The following FILIP1 variants were observed in gnomAD, a reference collection of about 807,000 sequenced individuals.
FILIP1 encodes the protein filamin A interacting protein 1.
FILIP1 carries 61 observed loss-of-function variants against 102.1 expected under a neutral mutation model. That is an observed-to-expected ratio of 0.60 (90% CI 0.49 to 0.74). The LOEUF (loss-of-function observed/expected upper bound fraction) is 0.74. Ranked by LOEUF, FILIP1 falls within the 30% of genes least tolerant of loss-of-function variation. The pLI is 0.00. For synonymous variants in FILIP1, 491 were observed against 526.9 expected (o/e 0.93, Z 0.93); for missense variants, 1,314 against 1,441.2 (o/e 0.91, Z 1.43).
At chr6:75,327,596 A>C (rs202029086) in intron 4 of FILIP1, among the ~76,000 whole-genome samples, 2 of 148,592 alleles carry the variant, frequency 1.3e-5, no homozygotes, top group East Asian at 2.0e-4. Context: ...ATAAAATAAA[A>C]AGGTCAATGC....
chr6:75,413,622 AACAGC>A (rs1445191702), intron 2 of FILIP1, among the ~76,000 whole-genome samples: 1 of 152,106 alleles, frequency 6.6e-6, no homozygotes. Context: ...CACTAAAGCT[AACAGC>A]ACCCATAAGC....
At chr6:75,321,302 A>T (rs1443044657) in intron 4 of FILIP1, among the ~76,000 whole-genome samples, 1 of 152,204 alleles carries the variant, frequency 6.6e-6, no homozygotes, top group African/African-American at 2.4e-5. Flanking sequence ...AATGTGGAGC[A>T]GTACACCCTT....
At chr6:75,463,065 T>G (rs1779069714) in intron 1 of FILIP1, among the ~76,000 whole-genome samples, 1 of 152,202 alleles carries the variant, frequency 6.6e-6, no homozygotes, top group Non-Finnish European at 1.5e-5. Flanking sequence ...GTGAAGATGA[T>G]ACACTTGGCT....
chr6:75,315,493 G>T (rs982439252), intron 4 of FILIP1, among the ~76,000 whole-genome samples: 3 of 152,192 alleles, frequency 2.0e-5, no homozygotes, highest in Admixed American at 6.5e-5. Context: ...TGAAATTTCA[G>T]TAAGCTGAAC....
intron 1 of FILIP1, among the ~76,000 whole-genome samples, chr6:75,490,319 T>C (rs1261924458): frequency 6.6e-6 from 1 of 152,154 alleles, no homozygotes; most frequent in Non-Finnish European, 1.5e-5. Flanking sequence ...AGAATGTTTT[T>C]CTTTTGTTGA....
intron 5 of FILIP1, among the ~76,000 whole-genome samples, chr6:75,311,430 T>TG (rs1287799250): frequency 6.6e-6 from 1 of 152,108 alleles, no homozygotes; most frequent in African/African-American, 2.4e-5. Context: ...TTCCGGCTTT[T>TG]GTGCTTTGCA....
chr6:75,318,080 CT>C (rs575314151), intron 4 of FILIP1, among the ~76,000 whole-genome samples: 9 of 151,134 alleles, frequency 6.0e-5, no homozygotes, highest in African/African-American at 1.5e-4. Flanking sequence ...CTCCCTGCTC[CT>C]TTTTTTTTCA....
At chr6:75,306,500 C>A (rs1453401263), downstream of FILIP1, among the ~76,000 whole-genome samples, 1 of 152,158 alleles carries the variant, frequency 6.6e-6, no homozygotes, top group Non-Finnish European at 1.5e-5. Flanking sequence ...TACAGTAACA[C>A]TAAATACTTC....
At chr6:75,394,344 A>G (rs1776385209) in intron 2 of FILIP1, among the ~76,000 whole-genome samples, 2 of 152,174 alleles carry the variant, frequency 1.3e-5, no homozygotes, top group South Asian at 4.1e-4. Context: ...TACTAGAAGA[A>G]AATTTGAAAG....
At chr6:75,403,807 C>G (rs1034133720) in intron 2 of FILIP1, among the ~76,000 whole-genome samples, 1 of 151,998 alleles carries the variant, frequency 6.6e-6, no homozygotes, top group East Asian at 1.9e-4. Context: ...GGGACCTCTT[C>G]TAAATTCCTA....
At chr6:75,440,009 A>G (rs1181265801) in intron 1 of FILIP1, among the ~76,000 whole-genome samples, 2 of 152,198 alleles carry the variant, frequency 1.3e-5, no homozygotes, top group East Asian at 1.9e-4. Context: ...TATTATTGCT[A>G]TGATGGTTTG....
In FILIP1 at chr6:75,404,739, T is replaced by C. The variant is rs1263461786; in HGVS notation, c.276+9958A>G. On this transcript the variant is annotated intron_variant, in intron 2 of 5. Coordinates refer to ENST00000237172, the MANE Select transcript of FILIP1 (RefSeq NM_015687.5). Reference sequence around the variant, plus strand: ...CAACTGCCCGCCCCTCAGCTGCAAATGTTAGCCCCACTCATCTTTCCTCCT... The same window carrying C: ...CAACTGCCCGCCCCTCAGCTGCAAACGTTAGCCCCACTCATCTTTCCTCCT... Among the ~76,000 whole-genome samples, 3 of 152,126 alleles carry C rather than the reference T, an allele frequency of 2.0e-5. No homozygotes were observed. The East Asian group carries it at 5.8e-4, about 29-fold the overall frequency.
intron 4 of FILIP1, among the ~76,000 whole-genome samples, chr6:75,353,111 C>T (rs1012889395): frequency 4.6e-5 from 7 of 151,266 alleles, no homozygotes; most frequent in African/African-American, 9.7e-5. Context: ...ATGTAAATGA[C>T]GAGTTAACGG....
At chr6:75,349,435 C>G (rs184128523) in intron 4 of FILIP1, among the ~76,000 whole-genome samples, 42 of 151,914 alleles carry the variant, frequency 2.8e-4, no homozygotes, top group Admixed American at 1.3e-4. Flanking sequence ...GCGGGAGAAG[C>G]TGAGTGAGTG....
intron 4 of FILIP1, among the ~76,000 whole-genome samples, chr6:75,330,426 A>G (rs1774036615): frequency 6.6e-6 from 1 of 152,110 alleles, no homozygotes; most frequent in African/African-American, 2.4e-5. Context: ...TCTTATAAAG[A>G]CCAGCAACGT....
chr6:75,380,467 A>G (rs1775877485), intron 2 of FILIP1, among the ~76,000 whole-genome samples: 1 of 152,184 alleles, frequency 6.6e-6, no homozygotes, highest in South Asian at 2.1e-4. Context: ...GACAAATTTT[A>G]GAACTATAAT....
chr6:75,362,682 A>C, intron 3 of FILIP1, 62 bp downstream of exon 3: 1 of 1,519,870 alleles, frequency 6.6e-7, no homozygotes, highest in South Asian at 1.1e-5. Context: ...TGTAAATGGA[A>C]GAATGTGAAG....
chr6:75,466,931 T>C (rs529030812), intron 1 of FILIP1, among the ~76,000 whole-genome samples: 1 of 152,334 alleles, frequency 6.6e-6, no homozygotes, highest in South Asian at 2.1e-4. Flanking sequence ...TACCTGGGGC[T>C]TTCCCTAGGA....
chr6:75,475,417 T>G (rs561578811), intron 1 of FILIP1, among the ~76,000 whole-genome samples: 46 of 152,302 alleles, frequency 3.0e-4, no homozygotes, highest in African/African-American at 1.0e-3. Context: ...CAGTACTGGT[T>G]GTATTTATGA....
Sources: gnomAD v4.1 joint callset for allele counts (sites outside exome capture counted in the v4.1 genomes callset) on GRCh38, gnomAD v4.1.1 for gene constraint, MANE v1.5 for transcripts, NCBI Gene and HGNC (gene_info 2026-07-23, HGNC 2026-07-21) for gene names.